Variants in ZNF280B observed in about 807,000 individuals in gnomAD.
ZNF280B encodes zinc finger protein 280B, also known as suppressor of hairy wing homolog 2.
In ZNF280B, 16 loss-of-function variants were observed where a neutral mutation model predicts 38.0. The observed-to-expected ratio is 0.42, with a 90% CI of 0.28 to 0.64. The LOEUF (loss-of-function observed/expected upper bound fraction) is 0.64, where lower values mean the gene tolerates loss of function less well. ZNF280B is among the 30% of genes least tolerant of loss of function. The pLI is 0.21. For missense variants in ZNF280B, 581 were observed against 639.6 expected (o/e 0.91, Z 0.99); for synonymous variants, 253 against 230.6 (o/e 1.10, Z -0.88).
At position 22,486,141 on chromosome 22, in the gene ZNF280B, A is replaced by T. The variant is rs917742346; in HGVS notation, c.*1626T>A. 1 of 152,050 alleles carries T rather than the reference A, an allele frequency of 6.6e-6. No individual in the cohort carries two copies. The highest frequency in any genetic ancestry group is 6.6e-5 in the Admixed American group (1 of 15,252). 9.4% of individuals were successfully genotyped at this position (152,050 alleles called of 1,614,324 possible). On this transcript the variant is annotated 3_prime_UTR_variant, in exon 4 of 4. Transcript: ENST00000626650. Reference sequence around the variant, plus strand: ...ACCCAAACAGCATTAGTGTCAAAAAACTGGGAAACTATACATTTAACAGAA... The same window carrying T: ...ACCCAAACAGCATTAGTGTCAAAAATCTGGGAAACTATACATTTAACAGAA...
intron 2 of ZNF280B, among the ~76,000 whole-genome samples, chr22:22,498,858 C>T (rs1299416519): frequency 4.1e-5 from 5 of 121,906 alleles, no homozygotes; most frequent in Admixed American, 2.3e-4. Flanking sequence ...AGTGCAGTGG[C>T]GTGATCTCGG....
intron 2 of ZNF280B, among the ~76,000 whole-genome samples, chr22:22,503,214 T>C (rs908224535): frequency 2.0e-4 from 31 of 152,012 alleles, no homozygotes; most frequent in African/African-American, 7.2e-4. Flanking sequence ...TAATTTGTTA[T>C]AGCAGCTATG....
intron 2 of ZNF280B, among the ~76,000 whole-genome samples, chr22:22,502,998 A>G (rs2061856302): frequency 6.6e-6 from 1 of 151,960 alleles, no homozygotes; most frequent in African/African-American, 2.4e-5. Flanking sequence ...GACAGAAGCA[A>G]AGATTAGAGT....
chr22:22,495,408 A>G (rs1389276087), intron 2 of ZNF280B, among the ~76,000 whole-genome samples: 2 of 152,048 alleles, frequency 1.3e-5, no homozygotes, highest in African/African-American at 2.4e-5. Context: ...CAACAAAAAC[A>G]AACTATTTCA....
chr22:22,506,896 C>A (rs1423568744), intron 2 of ZNF280B, among the ~76,000 whole-genome samples: 1 of 151,856 alleles, frequency 6.6e-6, no homozygotes, highest in African/African-American at 2.4e-5. Context: ...TAAATGAATC[C>A]CACTTCCTGG....
chr22:22,502,425 A>C (rs1297816918), intron 2 of ZNF280B, among the ~76,000 whole-genome samples: 2 of 151,984 alleles, frequency 1.3e-5, no homozygotes, highest in African/African-American at 4.8e-5. Context: ...ATGACCCAAC[A>C]ATATCACTCC....
chr22:22,486,998 A>G lies in ZNF280B; in HGVS notation c.*769T>C, dbSNP rs897117104. ...AATTCGGCAGCAAGTGGGCCAGGGC[A>G]TAACAAAGCCATTCCAGTCTGACTA... On this transcript the variant is annotated 3_prime_UTR_variant, in exon 4 of 4. Coordinates refer to ENST00000626650, the MANE Select transcript of ZNF280B (RefSeq NM_080764.4). The G allele has an allele frequency of 6.6e-6, 1 of 152,056 alleles. No individual in the cohort carries two copies. The highest frequency in any genetic ancestry group is 2.4e-5 in the African/African-American group (1 of 41,436). 9.4% of individuals were successfully genotyped at this position (152,056 alleles called of 1,614,324 possible).
Position 22,489,502 on chromosome 22 carries a change from T to C in ZNF280B, c.-68-36A>G. ...ACATACATCAGTAAGTACAGGAAAA[T>C]GCATTACCTTATTTAATTTTCCTCC... On this transcript the variant is annotated intron_variant, in intron 3 of 3. Coordinates refer to ENST00000626650, the MANE Select transcript of ZNF280B (RefSeq NM_080764.4). 7 of 971,552 alleles carry C rather than the reference T, an allele frequency of 7.2e-6. No individual in the cohort carries two copies. The South Asian group carries it at 1.1e-4, about 15-fold the overall frequency. The allele number at this position is 971,552 out of a possible 1,614,324, so 60.2% of individuals were successfully genotyped here. A position where few individuals can be genotyped will look rare whatever the true frequency, so the allele number is the denominator to read the frequency against.
At position 22,489,468 on chromosome 22, in the gene ZNF280B, T is replaced by A. The variant is rs1043571776; in HGVS notation, c.-68-2A>T. On this transcript the variant is annotated splice_acceptor_variant, in intron 3 of 3. Transcript: ENST00000626650. LOFTEE classifies it low-confidence loss of function (5UTR_SPLICE). ...TGCTTCCTTTATATAAACTGCCACC[T>A]AAGTACAAACATACATCAGTAAGTA... The A allele has an allele frequency of 2.9e-6, 4 of 1,358,368 alleles. No individual in the cohort carries two copies. In the African/African-American group the frequency reaches 4.4e-5, roughly 15 times the overall value. The allele number at this position is 1,358,368 out of a possible 1,614,324, so 84.1% of individuals were successfully genotyped here.
At chr22:22,506,442 GA>G (rs1219627540) in intron 2 of ZNF280B, among the ~76,000 whole-genome samples, 1 of 151,808 alleles carries the variant, frequency 6.6e-6, no homozygotes, top group Admixed American at 6.6e-5. Flanking sequence ...ATAAAATCAC[GA>G]AAATCAACTA....
chr22:22,496,577 G>C (rs1284030884), intron 2 of ZNF280B, among the ~76,000 whole-genome samples: 1 of 151,882 alleles, frequency 6.6e-6, no homozygotes, highest in African/African-American at 2.4e-5. Context: ...TTTACTGCAA[G>C]GATCTCTGTT....
chr22:22,489,154 G>GT lies in ZNF280B; in HGVS notation c.244dup (p.Thr82AsnfsTer8), dbSNP rs1200924103. 1 of 1,613,708 alleles carries GT rather than the reference G, an allele frequency of 6.2e-7. No homozygotes were observed. The highest frequency in any genetic ancestry group is 8.5e-7 in the Non-Finnish European group (1 of 1,179,956). On this transcript the variant is annotated frameshift_variant, in exon 4 of 4. Transcript: ENST00000626650. LOFTEE classifies it high-confidence loss of function. ...ACTTTTAGGCTGCAATTTGCGAGCA[G>GT]TATCTTTTCTAAGGTGATCATACTT...
rs745720630 is a variant in ZNF280B at position 22,499,042 on chromosome 22, G to A, written c.-186-4862C>T. On this transcript the variant is annotated intron_variant, in intron 2 of 3. Coordinates refer to ENST00000626650, the MANE Select transcript of ZNF280B (RefSeq NM_080764.4). ...TCTCAATCTCCTGACCTCGTGATCC[G>A]CTCGCCTTGGCCTCCCAAAGTGCTG... is the stretch of plus-strand genomic sequence containing the variant. Among the ~76,000 whole-genome samples the A allele has an allele frequency of 3.3e-5, 5 of 151,532 alleles. 1 individual carries two copies. The highest frequency in any genetic ancestry group is 1.2e-4 in the African/African-American group (5 of 41,384).
upstream of ZNF280B, chr22:22,508,754 C>T (rs1306617316): frequency 6.6e-6 from 1 of 151,898 alleles, no homozygotes; most frequent in Admixed American, 6.6e-5. Context: ...CCTCCTCAGG[C>T]CCCCGGCGCC....
In ZNF280B at chr22:22,487,809, T is replaced by TAG; in HGVS notation, c.1589_1590insCT (p.Leu531TyrfsTer59). 6.2e-7 allele frequency: 1 copy of TAG among 1,605,052 alleles called. No individual in the cohort carries two copies. The highest frequency in any genetic ancestry group is 8.5e-7 in the Non-Finnish European group (1 of 1,176,762). The stretch of plus-strand genomic sequence containing the variant: ...AAATTTTGCTTTTAGACCTGGGGAG[T>TAG]GATGGTTCAGAGTCAGATGTGCTCA... On this transcript the variant is annotated frameshift_variant, in exon 4 of 4. Coordinates refer to ENST00000626650, the MANE Select transcript of ZNF280B (RefSeq NM_080764.4). LOFTEE classifies it high-confidence loss of function.
intron 2 of ZNF280B, among the ~76,000 whole-genome samples, chr22:22,501,035 A>AAAAAAAAAAAAC (rs2061810962): frequency 1.4e-5 from 2 of 140,318 alleles, no homozygotes; most frequent in African/African-American, 5.5e-5. Context: ...AAAAAAAAAA[A>AAAAAAAAAAAAC]AAAAAACAAA....
intron 2 of ZNF280B, among the ~76,000 whole-genome samples, chr22:22,495,217 A>G (rs546936616): frequency 2.6e-5 from 4 of 151,912 alleles, no homozygotes; most frequent in Admixed American, 6.6e-5. Flanking sequence ...ACTTGAAGAA[A>G]ATTGGCTGTT....
chr22:22,489,187 C>T lies in ZNF280B; in HGVS notation c.212G>A (p.Arg71Lys). The T allele has an allele frequency of 6.2e-7, 1 of 1,613,686 alleles. No individual in the cohort carries two copies. Among genetic ancestry groups the T allele is most frequent in the Middle Eastern group, 1.7e-4 (1 of 6,050 alleles). The change falls in exon 4 of 4, where the codon AGG (arginine) becomes AAG (lysine). Residue 71 changes from arginine (R) to lysine (K), a missense_variant. Transcript: ENST00000626650. Reference protein sequence around the residue: ...LNRVTPGSWSRRKKYDHLRKD... With the variant: ...LNRVTPGSWSKRKKYDHLRKD... ...TCTAAGGTGATCATACTTTTTTCTCCTTGACCATGAACCCGGGGTGACTCT... is the reference window on the plus strand; with the variant it reads ...TCTAAGGTGATCATACTTTTTTCTCTTTGACCATGAACCCGGGGTGACTCT...
rs1478862347 is a variant in ZNF280B, at chr22:22,484,948, G to C, written c.*2819C>G. The C allele has an allele frequency of 6.6e-6, 1 of 152,090 alleles. No homozygotes were observed. The highest frequency in any genetic ancestry group is 2.4e-5 in the African/African-American group (1 of 41,284). The allele number at this position is 152,090 out of a possible 1,614,324, so 9.4% of individuals were successfully genotyped here. A position where few individuals can be genotyped will look rare whatever the true frequency, so the allele number is the denominator to read the frequency against. The stretch of plus-strand genomic sequence containing the variant: ...ACCAAAGGAAGTGTCAAACAATTAA[G>C]TGAGGTAGCAAGCCATGCAGGCCTA... On this transcript the variant is annotated 3_prime_UTR_variant, in exon 4 of 4. Coordinates refer to ENST00000626650, the MANE Select transcript of ZNF280B (RefSeq NM_080764.4).
Sources: allele counts gnomAD v4.1 joint callset (sites outside exome capture counted in the v4.1 genomes callset), GRCh38; gene constraint gnomAD v4.1.1; transcripts MANE v1.5; gene names NCBI Gene and HGNC (gene_info 2026-07-23, HGNC 2026-07-21).